Variants in PM20D2 observed in about 807,000 individuals in gnomAD.
The protein encoded by PM20D2 is xaa-Arg dipeptidase.
In PM20D2, 33 loss-of-function variants were observed where a neutral mutation model predicts 42.9. The ratio of observed to expected loss-of-function variants is 0.77; its 90% CI spans 0.58 to 1.03. The LOEUF (loss-of-function observed/expected upper bound fraction) is 1.03, where lower values mean the gene tolerates loss of function less well. Ranked by LOEUF, PM20D2 falls within the 50% of genes least tolerant of loss-of-function variation. The pLI is 0.00. For missense variants in PM20D2, 548 were observed against 557.0 expected (o/e 0.98, Z 0.16); for synonymous variants, 250 against 228.2 (o/e 1.10, Z -0.86).
At chr6:89,114,218 A>G in the PM20D2 span, among the ~76,000 whole-genome samples, 1 of 152,188 alleles carries the variant, frequency 6.6e-6, no homozygotes, top group Non-Finnish European at 1.5e-5. Flanking sequence ...ACCTGACATC[A>G]AGAGTTCGAG....
chr6:89,145,715 T>C (rs142294702), upstream of PM20D2, among the ~76,000 whole-genome samples: 184 of 152,352 alleles, frequency 1.2e-3, 1 homozygote, highest in African/African-American at 4.3e-3. Flanking sequence ...TAATTACTAA[T>C]GCTACAGAGT....
Position 89,162,123 on chromosome 6 carries a change from C to T in PM20D2, c.1171C>T (p.Gln391Ter). ...CTACCTTTTAGGGTCACAGGAAGCT[C>T]AGTTCTACACTCTGCGGACGGCCAA... ...YTEAAGSQEAQFYTLRTAKAL... is the reference protein window; with the variant it reads ...YTEAAGSQEA The change falls in exon 7 of 7, where the codon CAG becomes TAG. Residue 391 changes from glutamine to a stop codon, truncating the protein, a stop_gained. Transcript: ENST00000275072. LOFTEE classifies it high-confidence loss of function. 6.2e-7 allele frequency: 1 copy of T among 1,606,140 alleles called. No homozygotes were observed. The highest frequency in any genetic ancestry group is 8.5e-7 in the Non-Finnish European group (1 of 1,177,792).
intron 3 of PM20D2, among the ~76,000 whole-genome samples, chr6:89,153,666 C>T (rs998902795): frequency 2.0e-5 from 3 of 152,120 alleles, no homozygotes; most frequent in African/African-American, 7.2e-5. Flanking sequence ...GGTGCAATCT[C>T]GGCTCACTGC....
rs1771370980 is a variant in PM20D2, at chr6:89,164,980, G to T, written c.*2717G>T. ...CACTGTTGCATGCCCCAGAAAGCTT[G>T]TGGTGGGTGGTAAGTTCTCACGAGA... On this transcript the variant is annotated 3_prime_UTR_variant, in exon 7 of 7. Transcript: ENST00000275072. 1 of 150,494 alleles carries T rather than the reference G, an allele frequency of 6.6e-6. No individual in the cohort carries two copies. Among genetic ancestry groups the T allele is most frequent in the African/African-American group, 2.4e-5 (1 of 40,942 alleles). The allele number at this position is 150,494 out of a possible 1,614,324, so 9.3% of individuals were successfully genotyped here.
the PM20D2 span, among the ~76,000 whole-genome samples, chr6:89,135,847 G>A: frequency 1.3e-5 from 2 of 151,168 alleles, no homozygotes; most frequent in Non-Finnish European, 2.9e-5. Flanking sequence ...TACATATCTG[G>A]TGACTAGAAG....
the PM20D2 span, among the ~76,000 whole-genome samples, chr6:89,099,798 G>A: frequency 4.6e-5 from 7 of 152,026 alleles, no homozygotes; most frequent in Admixed American, 4.6e-4. Flanking sequence ...GCCTCCTAAA[G>A]TGCTGGGATT....
In PM20D2 at chr6:89,163,146, T is replaced by G. The variant is rs189271464; in HGVS notation, c.*883T>G. The G allele has an allele frequency of 6.6e-5, 10 of 152,290 alleles. No individual in the cohort carries two copies. The highest frequency in any genetic ancestry group is 4.6e-4 in the Admixed American group (7 of 15,288). 9.4% of individuals were successfully genotyped at this position (152,290 alleles called of 1,614,324 possible). On this transcript the variant is annotated 3_prime_UTR_variant, in exon 7 of 7. Coordinates refer to ENST00000275072, the MANE Select transcript of PM20D2 (RefSeq NM_001010853.3). Reference sequence around the variant, plus strand: ...TCTAGCATATTGCTTACTCTGAATATTCAGTACTTTTTGAATAAGCAAATA... The same window carrying G: ...TCTAGCATATTGCTTACTCTGAATAGTCAGTACTTTTTGAATAAGCAAATA...
At chr6:89,136,545 G>A in the PM20D2 span, among the ~76,000 whole-genome samples, 2 of 150,562 alleles carry the variant, frequency 1.3e-5, no homozygotes, top group Non-Finnish European at 2.9e-5. Flanking sequence ...GGGCGTGGTG[G>A]TGGGCGCCTG....
intron 3 of PM20D2, among the ~76,000 whole-genome samples, chr6:89,153,616 T>A (rs189246744): frequency 6.6e-6 from 1 of 152,312 alleles, no homozygotes; most frequent in African/African-American, 2.4e-5. Context: ...TTTTTTGTTT[T>A]TGAGACAGTC....
the PM20D2 span, chr6:89,105,033 G>T: frequency 2.2e-6 from 3 of 1,345,752 alleles, no homozygotes; most frequent in East Asian, 2.6e-5. Flanking sequence ...ACTCCAGCCT[G>T]GGAAACAATG....
At chr6:89,098,918 T>A in the PM20D2 span, 1 of 1,613,692 alleles carries the variant, frequency 6.2e-7, no homozygotes, top group Non-Finnish European at 8.5e-7. Context: ...AGATTTAGAC[T>A]GGCTATAAGA....
chr6:89,127,190 G>T, the PM20D2 span, among the ~76,000 whole-genome samples: 4 of 152,080 alleles, frequency 2.6e-5, no homozygotes, highest in Admixed American at 6.6e-5. Context: ...GGAGATGATA[G>T]AATTATAATG....
chr6:89,098,652 C>T, the PM20D2 span: 2 of 1,613,936 alleles, frequency 1.2e-6, no homozygotes, highest in Non-Finnish European at 1.7e-6. Flanking sequence ...GCTGTTTGTA[C>T]TTTAGTTTCA....
chr6:89,104,839 G>C, the PM20D2 span, among the ~76,000 whole-genome samples: 1 of 152,050 alleles, frequency 6.6e-6, no homozygotes, highest in African/African-American at 2.4e-5. Flanking sequence ...GAACACTTGA[G>C]CCCAGGAATT....
chr6:89,099,283 C>T, the PM20D2 span, among the ~76,000 whole-genome samples: 1 of 151,634 alleles, frequency 6.6e-6, no homozygotes, highest in Non-Finnish European at 1.5e-5. Flanking sequence ...CAATTATTTA[C>T]AGTTCAAATA....
chr6:89,165,388 T>G lies in PM20D2; in HGVS notation c.*3125T>G, dbSNP rs1216997394. 6.6e-6 allele frequency: 1 copy of G among 152,202 alleles called. No individual in the cohort carries two copies. The highest frequency in any genetic ancestry group is 2.4e-5 in the African/African-American group (1 of 41,472). 9.4% of individuals were successfully genotyped at this position (152,202 alleles called of 1,614,324 possible). A position where few individuals can be genotyped will look rare whatever the true frequency, so the allele number is the denominator to read the frequency against. ...ATAAACTGCTTATTTTTTTACATACTTCATATCAAGCATTTTGCAGTCCAA... is the reference window on the plus strand; with the variant it reads ...ATAAACTGCTTATTTTTTTACATACGTCATATCAAGCATTTTGCAGTCCAA... On this transcript the variant is annotated 3_prime_UTR_variant, in exon 7 of 7. Transcript: ENST00000275072.
intron 5 of PM20D2, among the ~76,000 whole-genome samples, 162 bp from the exon 6 acceptor site, chr6:89,161,621 A>G (rs1771239342): frequency 2.0e-5 from 3 of 152,204 alleles, no homozygotes; most frequent in Non-Finnish European, 4.4e-5. Context: ...AGTGGGTGGC[A>G]GACTCAGTGG....
chr6:89,153,545 G>C (rs1381702749), intron 3 of PM20D2, among the ~76,000 whole-genome samples: 1 of 152,076 alleles, frequency 6.6e-6, no homozygotes, highest in African/African-American at 2.4e-5. Flanking sequence ...TTAAAAAAAG[G>C]TATAATAACT....
upstream of PM20D2, among the ~76,000 whole-genome samples, chr6:89,142,141 A>C (rs557292888): frequency 2.0e-5 from 3 of 152,220 alleles, no homozygotes; most frequent in African/African-American, 7.2e-5. Context: ...ATTCCTTAGC[A>C]ATGTGTTGTA....
Sources: gnomAD v4.1 joint callset for allele counts (sites outside exome capture counted in the v4.1 genomes callset) on GRCh38, gnomAD v4.1.1 for gene constraint, MANE v1.5 for transcripts, NCBI Gene and HGNC (gene_info 2026-07-23, HGNC 2026-07-21) for gene names.